Variants in COL7A1 observed in about 807,000 individuals in gnomAD.
COL7A1 encodes collagen alpha-1(VII) chain.
COL7A1 carries 296 observed loss-of-function variants against 456.2 expected under a neutral mutation model. The observed-to-expected ratio is 0.65, with a 90% CI of 0.59 to 0.71. The LOEUF is 0.71. Among genes scored for constraint, COL7A1 ranks in the 30% least tolerant of loss-of-function variants. COL7A1 has a pLI of 0.00. For missense variants in COL7A1, 3,441 were observed against 4,017.2 expected, an observed-to-expected ratio of 0.86 and a Z score of 3.88; for synonymous variants, 1,464 against 1,525.9, an observed-to-expected ratio of 0.96 and a Z score of 0.95.
In COL7A1 at chr3:48,592,222, C is replaced by A. The variant is rs1385877961; in HGVS notation, c.1120G>T (p.Gly374Cys). 2 of 1,613,530 alleles carry A rather than the reference C, an allele frequency of 1.2e-6. No homozygotes were observed. Among genetic ancestry groups the A allele is most frequent in the Non-Finnish European group, 1.7e-6 (2 of 1,179,870 alleles). The change falls in exon 10 of 119, where the codon GGC (glycine) becomes TGC (cysteine). Residue 374 changes from glycine to cysteine, a missense_variant. Gly to Cys is a radical substitution (Grantham distance 159). Around this residue, in one of 3 missense-constraint regions of COL7A1, gnomAD observed 913 missense variants for 1,088.2 expected, o/e 0.84. Coordinates refer to ENST00000681320, the MANE Select transcript of COL7A1 (RefSeq NM_000094.4). This position sits in a 1 kb window ranked among gnomAD's most constrained non-coding sequence, Gnocchi z 7.6. ...SGGPTQQQEL[G>C]PGQGSVLLRD... ...AGCAACACTGAACCCTGCCCAGGGC[C>A]CAGCTCCTGCTGCTGTGTGGGCCCA... is the stretch of plus-strand genomic sequence containing the variant.
In COL7A1 at chr3:48,581,296, A is replaced by G; in HGVS notation, c.4863T>C (p.Pro1621=). ...PPGEKGDPGR[P]GPPGPVGPRG... ...GGGGGCCAACAGGTCCTGGGGGGCC[A>G]GGCCGCCCAGGGTCTCCCTTCTCTC... The change falls in exon 52 of 119, where the codon CCT becomes CCC. Residue 1621 remains proline, a synonymous_variant. Transcript: ENST00000681320. The surrounding 1 kb of genome is among the most constrained non-coding windows in gnomAD (Gnocchi z 5.8). 6.2e-7 allele frequency: 1 copy of G among 1,613,462 alleles called. No homozygotes were observed. The highest frequency in any genetic ancestry group is 2.2e-5 in the East Asian group (1 of 44,866).
chr3:48,591,429 G>A lies in COL7A1; in HGVS notation c.1636+35C>T. 2 of 1,610,566 alleles carry A rather than the reference G, an allele frequency of 1.2e-6. No individual in the cohort carries two copies. Among genetic ancestry groups the A allele is most frequent in the Non-Finnish European group, 1.7e-6 (2 of 1,178,176 alleles). On this transcript the variant is annotated intron_variant, in intron 13 of 118. Transcript: ENST00000681320. This position sits in a 1 kb window ranked among gnomAD's most constrained non-coding sequence, Gnocchi z 7.0. ...AGACCCCTCAGGCTGGAACTTCAGTGTGTGTGGTGGGGGTGCTGGCTGCGT... is the reference window on the plus strand; with the variant it reads ...AGACCCCTCAGGCTGGAACTTCAGTATGTGTGGTGGGGGTGCTGGCTGCGT...
rs1224772187 is a variant in COL7A1, at chr3:48,583,611, T to C, written c.4346A>G (p.Asp1449Gly). 6.2e-7 allele frequency: 1 copy of C among 1,613,744 alleles called. No homozygotes were observed. Among genetic ancestry groups the C allele is most frequent in the African/African-American group, 1.3e-5 (1 of 74,848 alleles). ...GAGGCCTGGAGCTCCATCCTCAGAG[T>C]CACCCTGAAGGAGAAACACACGGGT... ...GPPGKKGEKG[D>G]SEDGAPGLPG... The change falls in exon 41 of 119, where the codon GAC becomes GGC. Residue 1449 changes from aspartate to glycine, a missense_variant. Asp to Gly is a moderately conservative substitution (Grantham distance 94). This residue lies in a region of COL7A1 where 2,084 missense variants were observed against 2,501.3 expected (regional missense o/e 0.83). Transcript: ENST00000681320. The surrounding 1 kb of genome is among the most constrained non-coding windows in gnomAD (Gnocchi z 5.1).
In COL7A1 at chr3:48,568,635, C is replaced by A; in HGVS notation, c.7759-101G>T. 1 of 1,498,840 alleles carries A rather than the reference C, an allele frequency of 6.7e-7. No individual in the cohort carries two copies. The highest frequency in any genetic ancestry group is 9.1e-7 in the Non-Finnish European group (1 of 1,101,348). The allele number at this position is 1,498,840 out of a possible 1,614,324, so 92.8% of individuals were successfully genotyped here. The stretch of plus-strand genomic sequence containing the variant: ...ACTCAGATGCTCAGCGGCCAGGGCC[C>A]AGGCCACACACAGATCCCGGGTGAA... On this transcript the variant is annotated intron_variant, in intron 104 of 118. Coordinates refer to ENST00000681320, the MANE Select transcript of COL7A1 (RefSeq NM_000094.4). This position sits in a 1 kb window ranked among gnomAD's most constrained non-coding sequence, Gnocchi z 5.2.
In COL7A1 at chr3:48,593,614, T is replaced by C. The variant is rs2045865410; in HGVS notation, c.349A>G (p.Thr117Ala). ...TGGAGAATTGCAGCCCCTGTGCGAG[T>C]GTTGCCCCCCTTGTAGCTAAGCTCA... Reference protein sequence around the residue: ...IRELSYKGGNTRTGAAILHVA... With the variant: ...IRELSYKGGNARTGAAILHVA... The change falls in exon 4 of 119, where the codon ACT becomes GCT. Residue 117 changes from threonine (T) to alanine (A), a missense_variant. Physicochemically the swap from Thr to Ala is moderately conservative, Grantham distance 58. Transcript: ENST00000681320. The surrounding 1 kb of genome is among the most constrained non-coding windows in gnomAD (Gnocchi z 4.4). 2 of 1,614,002 alleles carry C rather than the reference T, an allele frequency of 1.2e-6. No individual in the cohort carries two copies. The highest frequency in any genetic ancestry group is 1.3e-5 in the African/African-American group (1 of 74,888).
chr3:48,572,834 C>T lies in COL7A1; in HGVS notation c.6831+28G>A. ...TCAGGCCCACAGCTGGGCACCACAC[C>T]CTAGCGAGCTGCCCCCAGAACACAT... On this transcript the variant is annotated intron_variant, in intron 87 of 118. Coordinates refer to ENST00000681320, the MANE Select transcript of COL7A1 (RefSeq NM_000094.4). The surrounding 1 kb of genome is among the most constrained non-coding windows in gnomAD (Gnocchi z 4.6). The T allele has an allele frequency of 3.1e-6, 5 of 1,613,560 alleles. No individual in the cohort carries two copies. The highest frequency in any genetic ancestry group is 2.5e-6 in the Non-Finnish European group (3 of 1,179,592).
In COL7A1 at chr3:48,574,349, T is replaced by C. The variant is rs1401469608; in HGVS notation, c.6457-43A>G. 1 of 1,613,698 alleles carries C rather than the reference T, an allele frequency of 6.2e-7. No homozygotes were observed. The highest frequency in any genetic ancestry group is 1.1e-5 in the South Asian group (1 of 91,066). ...AAGGCCTTAGTTTCCCAGTTCCAAC[T>C]TCCCCTCCACCCACCATCCCCCTAG... On this transcript the variant is annotated intron_variant, in intron 79 of 118. Transcript: ENST00000681320. This position sits in a 1 kb window ranked among gnomAD's most constrained non-coding sequence, Gnocchi z 5.0.
At position 48,566,201 on chromosome 3, in the gene COL7A1, G is replaced by A. The variant is rs1369141692; in HGVS notation, c.8407+66C>T. Reference sequence around the variant, plus strand: ...TGACTGCTTGCCCTGTAAGTTCTAGGGGCCTGCCTGCCCTTGCCTAGGGTG... The same window carrying A: ...TGACTGCTTGCCCTGTAAGTTCTAGAGGCCTGCCTGCCCTTGCCTAGGGTG... On this transcript the variant is annotated intron_variant, in intron 114 of 118. Coordinates refer to ENST00000681320, the MANE Select transcript of COL7A1 (RefSeq NM_000094.4). The surrounding 1 kb of genome is among the most constrained non-coding windows in gnomAD (Gnocchi z 5.9). The A allele has an allele frequency of 6.5e-7, 1 of 1,534,616 alleles. No individual in the cohort carries two copies. The highest frequency in any genetic ancestry group is 1.4e-5 in the African/African-American group (1 of 73,396).
In COL7A1 at chr3:48,580,376, G is replaced by A. The variant is rs1382366305; in HGVS notation, c.5053-32C>T. 2 of 1,603,924 alleles carry A rather than the reference G, an allele frequency of 1.2e-6. No homozygotes were observed. The highest frequency in any genetic ancestry group is 1.7e-6 in the Non-Finnish European group (2 of 1,174,518). On this transcript the variant is annotated intron_variant, in intron 55 of 118. Coordinates refer to ENST00000681320, the MANE Select transcript of COL7A1 (RefSeq NM_000094.4). This position sits in a 1 kb window ranked among gnomAD's most constrained non-coding sequence, Gnocchi z 4.5. Reference sequence around the variant, plus strand: ...AAAGGCAGGGGTCAGGGCCACTCAAGGTAGGCAGCAGTTTGGGAGAGCTTT... The same window carrying A: ...AAAGGCAGGGGTCAGGGCCACTCAAAGTAGGCAGCAGTTTGGGAGAGCTTT...
In COL7A1 at chr3:48,565,539, G is replaced by A. The variant is rs749229597; in HGVS notation, c.8441-43C>T. Reference sequence around the variant, plus strand: ...GGCCTCAGGGCCCTGAAGTCACCATGGGCAGCCATCCCAGCCAACCCCCCT... The same window carrying A: ...GGCCTCAGGGCCCTGAAGTCACCATAGGCAGCCATCCCAGCCAACCCCCCT... On this transcript the variant is annotated intron_variant, in intron 115 of 118. Coordinates refer to ENST00000681320, the MANE Select transcript of COL7A1 (RefSeq NM_000094.4). The surrounding 1 kb of genome is among the most constrained non-coding windows in gnomAD (Gnocchi z 4.5). 6.5e-5 allele frequency: 105 copies of A among 1,613,606 alleles called. No homozygotes were observed. The highest frequency in any genetic ancestry group is 8.2e-5 in the Non-Finnish European group (97 of 1,179,690).
In COL7A1 at chr3:48,570,423, A is replaced by G; in HGVS notation, c.7380+42T>C. 6.2e-7 allele frequency: 1 copy of G among 1,613,968 alleles called. No individual in the cohort carries two copies. The highest frequency in any genetic ancestry group is 8.5e-7 in the Non-Finnish European group (1 of 1,179,948). On this transcript the variant is annotated intron_variant, in intron 97 of 118. Coordinates refer to ENST00000681320, the MANE Select transcript of COL7A1 (RefSeq NM_000094.4). This position sits in a 1 kb window ranked among gnomAD's most constrained non-coding sequence, Gnocchi z 5.5. ...AGGTCAGTGGAGGCTGAAGGGGGTG[A>G]CCAGGGCACAAGAGAGAGTCAGCAG...
chr3:48,582,288 T>A (rs2044818073), intron 47 of COL7A1, 35 bp downstream of exon 47: 2 of 1,613,698 alleles, frequency 1.2e-6, no homozygotes, highest in African/African-American at 2.7e-5. Context: ...TCAAGGGCTG[T>A]GCTGTGCTCA....
In COL7A1 at chr3:48,571,942, T is replaced by C. The variant is rs2043946918; in HGVS notation, c.7068+59A>G. ...TGTGCCCCGGCCCAAGAGTGGCCCC[T>C]TATGCCCGCCATCACACTCCTCAGG... On this transcript the variant is annotated intron_variant, in intron 92 of 118. Coordinates refer to ENST00000681320, the MANE Select transcript of COL7A1 (RefSeq NM_000094.4). The surrounding 1 kb of genome is among the most constrained non-coding windows in gnomAD (Gnocchi z 4.6). 2 of 1,597,124 alleles carry C rather than the reference T, an allele frequency of 1.3e-6. No homozygotes were observed. Among genetic ancestry groups the C allele is most frequent in the African/African-American group, 2.7e-5 (2 of 74,610 alleles).
chr3:48,576,505 C>T lies in COL7A1; in HGVS notation c.5736+17G>A, dbSNP rs750062806. 5 of 1,612,314 alleles carry T rather than the reference C, an allele frequency of 3.1e-6. No homozygotes were observed. The highest frequency in any genetic ancestry group is 4.2e-6 in the Non-Finnish European group (5 of 1,179,466). On this transcript the variant is annotated intron_variant, in intron 69 of 118. Coordinates refer to ENST00000681320, the MANE Select transcript of COL7A1 (RefSeq NM_000094.4). Reference sequence around the variant, plus strand: ...TCAGCCCCCTCACCACGCCCCCTACCCAACATCCGCACTCACCTTGGGGCC... The same window carrying T: ...TCAGCCCCCTCACCACGCCCCCTACTCAACATCCGCACTCACCTTGGGGCC...
In COL7A1 at chr3:48,585,619, C is replaced by T. The variant is rs780281438; in HGVS notation, c.3832G>A (p.Gly1278Ser). 2 of 1,614,032 alleles carry T rather than the reference C, an allele frequency of 1.2e-6. No individual in the cohort carries two copies. The highest frequency in any genetic ancestry group is 2.2e-5 in the South Asian group (2 of 91,090). Residue 1278 changes from glycine (G) to serine (S), a missense_variant and splice_region_variant, in exon 32 of 119, where the codon GGC (glycine) becomes AGC (serine). By Grantham distance (56) the Gly-to-Ser change is moderately conservative (BLOSUM62 0). Coordinates refer to ENST00000681320, the MANE Select transcript of COL7A1 (RefSeq NM_000094.4). The surrounding 1 kb of genome is among the most constrained non-coding windows in gnomAD (Gnocchi z 4.5). ...VGPPGDPGLP[G>S]RTGAPGPQGP... ...TGGGGGCCGGGAGCACCGGTCCTGC[C>T]CTGAAAGAAGATAGCAGTTAGGTGG...
At position 48,576,268 on chromosome 3, in the gene COL7A1, C is replaced by G. The variant is rs1269115834; in HGVS notation, c.5801G>C (p.Gly1934Ala). The stretch of plus-strand genomic sequence containing the variant: ...GCTCACCGGCACACTTCCAGGCTCT[C>G]CTCGCAGGCCACGCTCTCCAGGGAG... ...QGLPGERGLR[G>A]EPGSVPNVDR... Residue 1934 changes from glycine to alanine, a missense_variant, in exon 71 of 119, where the codon GGA becomes GCA. Around this residue, in one of 3 missense-constraint regions of COL7A1, gnomAD observed 2,084 missense variants for 2,501.3 expected, o/e 0.83. Transcript: ENST00000681320. 2 of 1,613,720 alleles carry G rather than the reference C, an allele frequency of 1.2e-6. No individual in the cohort carries two copies. Among genetic ancestry groups the G allele is most frequent in the Non-Finnish European group, 1.7e-6 (2 of 1,180,010 alleles).
Position 48,588,654 on chromosome 3 carries a change from C to T in COL7A1, c.2575G>A (p.Val859Ile), listed in dbSNP as rs768967855. The T allele has an allele frequency of 6.2e-7, 1 of 1,613,882 alleles. No individual in the cohort carries two copies. Among genetic ancestry groups the T allele is most frequent in the Non-Finnish European group, 8.5e-7 (1 of 1,180,050 alleles). Residue 859 changes from valine to isoleucine, a missense_variant, in exon 20 of 119, where the codon GTT (valine) becomes ATT (isoleucine). Val to Ile is a conservative substitution (Grantham distance 29, BLOSUM62 3). Around this residue, in one of 3 missense-constraint regions of COL7A1, gnomAD observed 444 missense variants for 427.6 expected, o/e 1.04. Transcript: ENST00000681320. This position sits in a 1 kb window ranked among gnomAD's most constrained non-coding sequence, Gnocchi z 4.6. ...GDREGTPVSI[V>I]VTTPPEAPPA... ...ATGCTCTGCCTACGCGTAGTGACAA[C>T]AATGGAGACAGGTGTGCCCTCGCGG...
chr3:48,572,473 C>G lies in COL7A1; in HGVS notation c.6936+30G>C, dbSNP rs1444999246. The G allele has an allele frequency of 6.2e-7, 1 of 1,613,880 alleles. No individual in the cohort carries two copies. Among genetic ancestry groups the G allele is most frequent in the East Asian group, 2.2e-5 (1 of 44,850 alleles). ...TTCCTTGGCCCCCACCAGTTGACCC[C>G]CCCTCACTGGCAGCCCCACACACAC... On this transcript the variant is annotated intron_variant, in intron 89 of 118. Transcript: ENST00000681320. This position sits in a 1 kb window ranked among gnomAD's most constrained non-coding sequence, Gnocchi z 4.6.
In COL7A1 at chr3:48,580,792, C is replaced by A. The variant is rs1217038986; in HGVS notation, c.4980+90G>T. On this transcript the variant is annotated intron_variant, in intron 54 of 118. Coordinates refer to ENST00000681320, the MANE Select transcript of COL7A1 (RefSeq NM_000094.4). This position sits in a 1 kb window ranked among gnomAD's most constrained non-coding sequence, Gnocchi z 4.5. ...ATCACCCCATGCCTCCCTGCAGGGA[C>A]TCCCATCACCCCTTACCCCCCTCAG... 6.3e-7 allele frequency: 1 copy of A among 1,575,150 alleles called. No individual in the cohort carries two copies. Among genetic ancestry groups the A allele is most frequent in the African/African-American group, 1.4e-5 (1 of 74,030 alleles).
Sources: gnomAD v4.1 joint callset for allele counts on GRCh38, gnomAD v4.1.1 for gene constraint, gnomAD v4.1.1 regional missense constraint, Gnocchi (gnomAD v3.1) non-coding constraint, MANE v1.5 for transcripts, NCBI Gene and HGNC (gene_info 2026-07-23, HGNC 2026-07-21) for gene names.